The following ZFP62 variants were observed in gnomAD, a reference collection of about 807,000 sequenced individuals.
ZFP62 encodes ZFP62 zinc finger protein, also known as zinc finger protein 62 homolog.
A neutral mutation model predicts 56.4 loss-of-function variants in ZFP62; 44 were observed. The ratio of observed to expected loss-of-function variants is 0.78; its 90% CI spans 0.61 to 1.00. The LOEUF is 1.00. Among genes scored for constraint, ZFP62 ranks in the 50% least tolerant of loss-of-function variants. ZFP62 has a pLI of 0.00. For missense variants in ZFP62, 1,030 were observed against 1,085.7 expected (o/e 0.95, Z 0.72); for synonymous variants, 421 against 388.9 (o/e 1.08, Z -0.97).
intron 1 of ZFP62, among the ~76,000 whole-genome samples, chr5:180,858,871 A>G (rs1202505352): frequency 6.6e-6 from 1 of 152,232 alleles, no homozygotes; most frequent in Non-Finnish European, 1.5e-5. Flanking sequence ...TTCAACACGC[A>G]GCATGAGTCT....
At position 180,848,676 on chromosome 5, in the gene ZFP62, C is replaced by T; in HGVS notation, c.*116G>A. ...TCACATAGAAAGGATTCCTCATAATCCTCTAGGATGGTTTCATTTACACTG... is the reference window on the plus strand; with the variant it reads ...TCACATAGAAAGGATTCCTCATAATTCTCTAGGATGGTTTCATTTACACTG... On this transcript the variant is annotated 3_prime_UTR_variant, in exon 2 of 2. Coordinates refer to ENST00000502412, the MANE Select transcript of ZFP62 (RefSeq NM_001172638.2). The T allele has an allele frequency of 1.2e-5, 17 of 1,415,438 alleles. No individual in the cohort carries two copies. The highest frequency in any genetic ancestry group is 1.7e-5 in the South Asian group (1 of 58,752). 87.7% of individuals were successfully genotyped at this position (1,415,438 alleles called of 1,614,324 possible).
chr5:180,847,044 G>A (rs150510231), downstream of ZFP62, among the ~76,000 whole-genome samples: 129 of 152,316 alleles, frequency 8.5e-4, 1 homozygote, highest in African/African-American at 2.8e-3. Flanking sequence ...TGGATACAAA[G>A]TGAAACAAAT....
At chr5:180,845,727 A>G (rs1773397921), downstream of ZFP62, 8 of 985,264 alleles carry the variant, frequency 8.1e-6, no homozygotes, top group Non-Finnish European at 8.4e-6. Context: ...ATGCAGACAG[A>G]CTTCAGGTCC....
the ZFP62 span, among the ~76,000 whole-genome samples, chr5:180,841,682 TCA>T: frequency 6.6e-6 from 1 of 152,188 alleles, no homozygotes; most frequent in African/African-American, 2.4e-5. Context: ...ACAGATGCTA[TCA>T]GACACAGCTT....
chr5:180,833,929 A>C, the ZFP62 span, among the ~76,000 whole-genome samples: 2 of 152,096 alleles, frequency 1.3e-5, no homozygotes, highest in African/African-American at 4.8e-5. Context: ...TCGGCCTCCC[A>C]AAGTGCTGGG....
intron 1 of ZFP62, among the ~76,000 whole-genome samples, chr5:180,858,691 G>C (rs1774140741): frequency 6.6e-6 from 1 of 152,290 alleles, no homozygotes; most frequent in South Asian, 2.1e-4. Flanking sequence ...AGTTCCAGGA[G>C]TAAGTCACTA....
Position 180,850,843 on chromosome 5 carries a change from T to C in ZFP62, c.652A>G (p.Thr218Ala), listed in dbSNP as rs527679585. The C allele has an allele frequency of 6.4e-7, 1 of 1,564,050 alleles. No individual in the cohort carries two copies. Among genetic ancestry groups the C allele is most frequent in the Admixed American group, 1.9e-5 (1 of 51,844 alleles). Residue 218 changes from threonine (T) to alanine (A), a missense_variant, in exon 2 of 2, where the codon ACC (threonine) becomes GCC (alanine). Transcript: ENST00000502412. ...SYSSLINHKS[T>A]HSGEKNCKCD... ...TTACAGTTCTTCTCCCCAGAATGGG[T>C]GCTTTTGTGGTTTATAAGGCTGGAG... is the stretch of plus-strand genomic sequence containing the variant.
the ZFP62 span, chr5:180,830,114 G>C: frequency 1.3e-5 from 2 of 152,104 alleles, no homozygotes; most frequent in Admixed American, 6.6e-5. Context: ...GGAGGGGCTG[G>C]AAGTGGGGCC....
the ZFP62 span, among the ~76,000 whole-genome samples, chr5:180,833,173 G>A: frequency 1.3e-5 from 2 of 152,126 alleles, no homozygotes; most frequent in African/African-American, 4.8e-5. Context: ...TGAGAGTGGA[G>A]CCCTCATGAA....
At chr5:180,858,257 C>CAAAAAA (rs1159409435) in intron 1 of ZFP62, among the ~76,000 whole-genome samples, 9 of 40,258 alleles carry the variant, frequency 2.2e-4, no homozygotes, top group African/African-American at 4.8e-4. Flanking sequence ...AACTCTGTCT[C>CAAAAAA]AAAAAAAAAA....
Position 180,849,270 on chromosome 5 carries a change from G to A in ZFP62, c.2225C>T (p.Ser742Phe). The change falls in exon 2 of 2, where the codon TCT becomes TTT. Residue 742 changes from serine (S) to phenylalanine (F), a missense_variant. Transcript: ENST00000502412. ...VECGKSFSYS[S>F]LLSQHKRIHT... The stretch of plus-strand genomic sequence containing the variant: ...GATCCTCTTGTGCTGAGAAAGGAGA[G>A]AGCTGTAACTGAAAGATTTCCCACA... 3 of 1,553,878 alleles carry A rather than the reference G, an allele frequency of 1.9e-6. No individual in the cohort carries two copies. Among genetic ancestry groups the A allele is most frequent in the Non-Finnish European group, 2.6e-6 (3 of 1,148,274 alleles).
rs1204129371 is a variant in ZFP62, at chr5:180,849,275, G to C, written c.2220C>G (p.Tyr740Ter). ...TCTTGTGCTGAGAAAGGAGAGAGCT[G>C]TAACTGAAAGATTTCCCACACTCAA... ...KCVECGKSFS[Y>*]SSLLSQHKRI... Residue 740 changes from tyrosine (Y) to a stop codon, truncating the protein, a stop_gained, in exon 2 of 2, where the codon TAC becomes TAG. Transcript: ENST00000502412. LOFTEE classifies it high-confidence loss of function. The C allele has an allele frequency of 6.4e-7, 1 of 1,553,196 alleles. No individual in the cohort carries two copies. The highest frequency in any genetic ancestry group is 8.7e-7 in the Non-Finnish European group (1 of 1,147,908).
chr5:180,833,179 A>C, the ZFP62 span, among the ~76,000 whole-genome samples: 2 of 152,118 alleles, frequency 1.3e-5, no homozygotes, highest in Non-Finnish European at 2.9e-5. Context: ...TGGAGCCCTC[A>C]TGAATGGAAT....
the ZFP62 span, among the ~76,000 whole-genome samples, chr5:180,828,563 C>T: frequency 1.1e-4 from 16 of 152,214 alleles, no homozygotes; most frequent in Admixed American, 2.6e-4. Flanking sequence ...TTTCTTATGC[C>T]TGTCTTTACT....
rs1773520652 is a variant in ZFP62, at chr5:180,848,891, T to A, written c.2604A>T (p.Leu868Phe). Residue 868 changes from leucine to phenylalanine, a missense_variant, in exon 2 of 2, where the codon TTA (leucine) becomes TTT (phenylalanine). By Grantham distance (22) the Leu-to-Phe change is conservative. Coordinates refer to ENST00000502412, the MANE Select transcript of ZFP62 (RefSeq NM_001172638.2). The part of the protein sequence containing the change: ...HKRTHTGEES[L>F]NVIYVGSYSG... ...TATAACTTCCCACATATATCACATT[T>A]AAAGATTCCTCTCCAGTATGGGTTC... 1.9e-6 allele frequency: 3 copies of A among 1,551,724 alleles called. No individual in the cohort carries two copies. Among genetic ancestry groups the A allele is most frequent in the Non-Finnish European group, 1.7e-6 (2 of 1,146,982 alleles).
At chr5:180,835,329 C>T in the ZFP62 span, 2 of 152,202 alleles carry the variant, frequency 1.3e-5, no homozygotes, top group Non-Finnish European at 2.9e-5. Context: ...GTCCTTTGGC[C>T]TTTGGACTCT....
chr5:180,856,050 C>T (rs1007067677), intron 1 of ZFP62, among the ~76,000 whole-genome samples: 6 of 152,194 alleles, frequency 3.9e-5, no homozygotes, highest in Admixed American at 1.3e-4. Flanking sequence ...GTGGATTATT[C>T]GTTTTCTTCC....
downstream of ZFP62, among the ~76,000 whole-genome samples, chr5:180,843,392 A>T (rs1028934530): frequency 6.6e-6 from 1 of 152,174 alleles, no homozygotes; most frequent in Non-Finnish European, 1.5e-5. Flanking sequence ...GGGCTAAATG[A>T]TCCTGTTAAA....
the ZFP62 span, among the ~76,000 whole-genome samples, chr5:180,835,989 G>A: frequency 5.9e-5 from 9 of 152,150 alleles, no homozygotes; most frequent in African/African-American, 2.2e-4. Flanking sequence ...TATTTTTACG[G>A]TACCTTTTCT....
Sources: gnomAD v4.1 joint callset for allele counts (sites outside exome capture counted in the v4.1 genomes callset) on GRCh38, gnomAD v4.1.1 for gene constraint, MANE v1.5 for transcripts, NCBI Gene and HGNC (gene_info 2026-07-23, HGNC 2026-07-21) for gene names.